Variants in FIP1L1 observed in about 807,000 individuals in gnomAD.
FIP1L1 encodes the protein factor interacting with PAPOLA and CPSF1, also known as pre-mRNA 3'-end-processing factor FIP1.
FIP1L1 carries 21 observed loss-of-function variants against 84.6 expected under a neutral mutation model. That is an observed-to-expected ratio of 0.25 (90% CI 0.18 to 0.36). FIP1L1 has a LOEUF of 0.36. Ranked by LOEUF, FIP1L1 falls within the 10% of genes least tolerant of loss-of-function variation. FIP1L1 has a pLI of 1.00. For missense variants in FIP1L1, 526 were observed against 751.1 expected (o/e 0.70, Z 3.50); for synonymous variants, 263 against 242.3 (o/e 1.09, Z -0.80).
At chr4:53,392,749 CATT>C (rs1744935840) in intron 9 of FIP1L1, among the ~76,000 whole-genome samples, 1 of 152,178 alleles carries the variant, frequency 6.6e-6, no homozygotes. Context: ...GGGTCAGTCT[CATT>C]GAAGGTAGCC....
At chr4:53,385,641 C>T (rs922196616) in intron 5 of FIP1L1, among the ~76,000 whole-genome samples, 1 of 152,010 alleles carries the variant, frequency 6.6e-6, no homozygotes, top group Admixed American at 6.6e-5. Context: ...GAGGGTTTTT[C>T]CCCTTAGACA....
Position 53,453,123 on chromosome 4 carries a change from G to C in FIP1L1, c.1489G>C (p.Val497Leu). Residue 497 changes from valine to leucine, a missense_variant, in exon 16 of 18, where the codon GTT becomes CTT. Around this residue, in one of 6 missense-constraint regions of FIP1L1, gnomAD observed 89 missense variants for 169.0 expected, o/e 0.53. Coordinates refer to ENST00000337488, the MANE Select transcript of FIP1L1 (RefSeq NM_030917.4). ...GCGTGATCACAGTCCTACACCAAGT[G>C]TTTTCAACAGGTTTGTTGGGTGTGC... is the stretch of plus-strand genomic sequence containing the variant. ...RERDHSPTPS[V>L]FNSDEERYRY... 6.2e-7 allele frequency: 1 copy of C among 1,613,968 alleles called. No homozygotes were observed. Among genetic ancestry groups the C allele is most frequent in the Non-Finnish European group, 8.5e-7 (1 of 1,179,956 alleles).
chr4:53,418,860 C>T (rs1370760055), intron 11 of FIP1L1, among the ~76,000 whole-genome samples: 7 of 152,168 alleles, frequency 4.6e-5, no homozygotes, highest in Non-Finnish European at 1.0e-4. Flanking sequence ...AATATTATAT[C>T]TAAGAATGAC....
At chr4:53,454,443 C>T (rs138489710) in intron 16 of FIP1L1, among the ~76,000 whole-genome samples, 38 of 152,298 alleles carry the variant, frequency 2.5e-4, no homozygotes, top group African/African-American at 7.7e-4. Context: ...TGACTGTATA[C>T]ATATACCGCA....
At position 53,459,277 on chromosome 4, in the gene FIP1L1, CTTTTTTTTTT is replaced by C. The variant is rs3067115; in HGVS notation, c.1638-14_1638-5del. On this transcript the variant is annotated splice_polypyrimidine_tract_variant and intron_variant, in intron 17 of 17. Transcript: ENST00000337488. ...GATTGTGTATTTAAACAGAACACAC[CTTTTTTTTTT>C]TTTTTTTTTTCCAGTAATAGTAGAC... The C allele has an allele frequency of 1.0e-5, 10 of 974,942 alleles. No individual in the cohort carries two copies. The highest frequency in any genetic ancestry group is 1.3e-5 in the Non-Finnish European group (9 of 712,650). The allele number at this position is 974,942 out of a possible 1,614,324, so 60.4% of individuals were successfully genotyped here.
chr4:53,450,416 G>T (rs1349460658), intron 15 of FIP1L1, among the ~76,000 whole-genome samples: 3 of 152,190 alleles, frequency 2.0e-5, no homozygotes, highest in Non-Finnish European at 4.4e-5. Context: ...TCCTTTGAAA[G>T]TATATGTACA....
intron 15 of FIP1L1, among the ~76,000 whole-genome samples, chr4:53,449,411 T>G (rs1354942766): frequency 6.6e-6 from 1 of 152,180 alleles, no homozygotes; most frequent in Non-Finnish European, 1.5e-5. Flanking sequence ...TGTGACAAAT[T>G]ACATTGCTAC....
chr4:53,442,520 C>T, intron 13 of FIP1L1, 133 bp from the exon 14 acceptor site: 2 of 609,256 alleles, frequency 3.3e-6, no homozygotes, highest in Admixed American at 3.1e-5. Context: ...CCATTTTTTT[C>T]TGTCCATTAT....
chr4:53,416,941 T>A (rs778455937), intron 11 of FIP1L1, among the ~76,000 whole-genome samples: 15 of 152,036 alleles, frequency 9.9e-5, no homozygotes, highest in Non-Finnish European at 1.8e-4. Flanking sequence ...CCATCCTGGG[T>A]GACAGAGTGA....
At chr4:53,434,767 C>T (rs572756203) in intron 13 of FIP1L1, among the ~76,000 whole-genome samples, 1 of 152,268 alleles carries the variant, frequency 6.6e-6, no homozygotes, top group African/African-American at 2.4e-5. Flanking sequence ...TGCGCCTGGC[C>T]ACAGCTTAGT....
chr4:53,410,568 C>T (rs574793371), intron 10 of FIP1L1, among the ~76,000 whole-genome samples: 6 of 152,112 alleles, frequency 3.9e-5, no homozygotes, highest in South Asian at 2.1e-4. Flanking sequence ...GAAAATTGCT[C>T]GAATTTGCTT....
At chr4:53,439,378 T>C (rs1197889813) in intron 13 of FIP1L1, among the ~76,000 whole-genome samples, 2 of 152,106 alleles carry the variant, frequency 1.3e-5, no homozygotes, top group South Asian at 4.1e-4. Flanking sequence ...AATATGTTTT[T>C]ATTGTATGGG....
chr4:53,400,242 G>C (rs553735631), intron 10 of FIP1L1, among the ~76,000 whole-genome samples: 1 of 152,184 alleles, frequency 6.6e-6, no homozygotes, highest in Admixed American at 6.5e-5. Context: ...TAGTGAAAGA[G>C]GCTATTGAAA....
At chr4:53,445,808 G>T (rs190154927) in intron 15 of FIP1L1, among the ~76,000 whole-genome samples, 5 of 152,224 alleles carry the variant, frequency 3.3e-5, no homozygotes, top group African/African-American at 9.6e-5. Flanking sequence ...GCAAATTAGG[G>T]AGGGCGGGAA....
chr4:53,429,700 A>G (rs774393904), intron 13 of FIP1L1, among the ~76,000 whole-genome samples: 16 of 152,082 alleles, frequency 1.1e-4, no homozygotes, highest in Non-Finnish European at 2.4e-4. Flanking sequence ...TGACAGTAAT[A>G]CTTGTATATG....
intron 13 of FIP1L1, among the ~76,000 whole-genome samples, chr4:53,436,576 G>A (rs1455858438): frequency 6.6e-6 from 1 of 152,044 alleles, no homozygotes; most frequent in South Asian, 2.1e-4. Flanking sequence ...AAGTCACAAT[G>A]TCCAGCCCCC....
chr4:53,378,243 G>A, intron 1 of FIP1L1: 2 of 279,264 alleles, frequency 7.2e-6, no homozygotes, highest in Non-Finnish European at 1.3e-5. Flanking sequence ...CTTTACCCTT[G>A]TTTTTTTCTG....
At chr4:53,405,121 C>G (rs1414302012) in intron 10 of FIP1L1, among the ~76,000 whole-genome samples, 2 of 152,124 alleles carry the variant, frequency 1.3e-5, no homozygotes, top group African/African-American at 4.8e-5. Flanking sequence ...AGGTTTTCTT[C>G]TAGGGTTTTT....
intron 11 of FIP1L1, among the ~76,000 whole-genome samples, chr4:53,421,659 TGCCCAGTTCTTATTAGAA>T (rs1762474963): frequency 6.6e-6 from 1 of 152,240 alleles, no homozygotes; most frequent in African/African-American, 2.4e-5. Flanking sequence ...AACTGTTTGC[TGCCCAGTTCTTATTAGAA>T]GCCCTTCTGT....
Sources: gnomAD v4.1 joint callset for allele counts (sites outside exome capture counted in the v4.1 genomes callset) on GRCh38, gnomAD v4.1.1 for gene constraint, gnomAD v4.1.1 regional missense constraint, MANE v1.5 for transcripts, NCBI Gene and HGNC (gene_info 2026-07-23, HGNC 2026-07-21) for gene names.